KCNH7: variants seen among roughly 807,000 people sequenced by gnomAD.
The protein encoded by KCNH7 is potassium voltage-gated channel subfamily H member 7, also known as voltage-gated inwardly rectifying potassium channel KCNH7.
Under a neutral mutation model 120.8 loss-of-function variants are expected in KCNH7, and 49 were observed. The observed-to-expected ratio is 0.41, with a 90% CI of 0.32 to 0.51. The LOEUF (loss-of-function observed/expected upper bound fraction) is 0.51, where lower values mean the gene tolerates loss of function less well. Among genes scored for constraint, KCNH7 ranks in the 20% least tolerant of loss-of-function variants. KCNH7 has a pLI of 0.38. For missense variants in KCNH7, 1,097 were observed against 1,446.6 expected (o/e 0.76, Z 3.92); for synonymous variants, 547 against 516.1 (o/e 1.06, Z -0.81).
At chr2:162,414,659 AATTATATTAGCAT>A (rs1687489295) in intron 9 of KCNH7, among the ~76,000 whole-genome samples, 2 of 152,026 alleles carry the variant, frequency 1.3e-5, no homozygotes, top group African/African-American at 2.4e-5. Flanking sequence ...ATATAAGTAT[AATTATATTAGCAT>A]ATTAAAAGTT....
chr2:162,423,424 A>G lies in KCNH7; in HGVS notation c.2066T>C (p.Phe689Ser), dbSNP rs1320692302. 6.2e-7 allele frequency: 1 copy of G among 1,614,138 alleles called. No homozygotes were observed. The highest frequency in any genetic ancestry group is 8.5e-7 in the Non-Finnish European group (1 of 1,179,976). Residue 689 changes from phenylalanine (F) to serine (S), a missense_variant, in exon 9 of 16, where the codon TTT becomes TCT. This residue lies in a region of KCNH7 where 24 missense variants were observed against 105.8 expected (regional missense o/e 0.23). Coordinates refer to ENST00000332142, the MANE Select transcript of KCNH7 (RefSeq NM_033272.4). Reference sequence around the variant, plus strand: ...CCTCAGAGGGTTGGGGATTTGGTGAAAGCGAATGAACTCTTTTACTCGCAG... The same window carrying G: ...CCTCAGAGGGTTGGGGATTTGGTGAGAGCGAATGAACTCTTTTACTCGCAG... ...QMLRVKEFIR[F>S]HQIPNPLRQR...
intron 3 of KCNH7, among the ~76,000 whole-genome samples, chr2:162,535,778 T>G (rs980619101): frequency 2.6e-5 from 4 of 151,800 alleles, no homozygotes; most frequent in Non-Finnish European, 5.9e-5. Context: ...GGTATATTAG[T>G]TATTTATTGT....
At chr2:162,542,313 A>C (rs1692336146) in intron 2 of KCNH7, among the ~76,000 whole-genome samples, 1 of 150,654 alleles carries the variant, frequency 6.6e-6, no homozygotes, top group African/African-American at 2.4e-5. Context: ...GGTTAGTTAC[A>C]TATGTATTCA....
chr2:162,551,843 G>T (rs1692679103), intron 2 of KCNH7, among the ~76,000 whole-genome samples: 1 of 152,150 alleles, frequency 6.6e-6, no homozygotes, highest in Non-Finnish European at 1.5e-5. Context: ...AGAGAGAAAA[G>T]ATTATAATAG....
intron 6 of KCNH7, among the ~76,000 whole-genome samples, chr2:162,501,412 G>T (rs576044529): frequency 3.6e-4 from 55 of 152,168 alleles, no homozygotes; most frequent in South Asian, 1.0e-3. Flanking sequence ...GTGGGAGGGG[G>T]ATACTCCACA....
At chr2:162,699,249 T>C (rs1336825334) in intron 2 of KCNH7, among the ~76,000 whole-genome samples, 2 of 152,164 alleles carry the variant, frequency 1.3e-5, no homozygotes, top group Non-Finnish European at 2.9e-5. Flanking sequence ...CAATCCCTGG[T>C]AACCACCACA....
At chr2:162,405,134 C>A (rs1242406781) in intron 9 of KCNH7, among the ~76,000 whole-genome samples, 1 of 151,952 alleles carries the variant, frequency 6.6e-6, no homozygotes, top group African/African-American at 2.4e-5. Context: ...AAGGCTGCTA[C>A]AGATCCTTTA....
At chr2:162,795,801 A>G (rs1684125233) in intron 2 of KCNH7, 1 of 152,078 alleles carries the variant, frequency 6.6e-6, no homozygotes, top group South Asian at 2.1e-4. Flanking sequence ...GACTGGTTCT[A>G]TTTTTACATT....
intron 2 of KCNH7, among the ~76,000 whole-genome samples, chr2:162,694,381 C>T (rs1686216081): frequency 6.6e-6 from 1 of 152,066 alleles, no homozygotes; most frequent in African/African-American, 2.4e-5. Flanking sequence ...TTAAATAGTT[C>T]TATTTTACTC....
intron 2 of KCNH7, among the ~76,000 whole-genome samples, chr2:162,684,782 C>T (rs538230689): frequency 6.6e-6 from 1 of 152,076 alleles, no homozygotes; most frequent in Non-Finnish European, 1.5e-5. Context: ...TTGTGGAAGA[C>T]AGTGGGGTGA....
chr2:162,836,398 T>C (rs1685665495), intron 2 of KCNH7, 139 bp downstream of exon 2: 3 of 658,196 alleles, frequency 4.6e-6, no homozygotes, highest in East Asian at 2.7e-5. Context: ...TACCCATATA[T>C]GTTGGATCCC....
At chr2:162,680,463 G>A (rs16847104) in intron 2 of KCNH7, among the ~76,000 whole-genome samples, 1,639 of 151,672 alleles carry the variant, frequency 0.011, 25 homozygotes, top group African/African-American at 0.037. Context: ...TGTTTTTCCC[G>A]TAGCAATAGC....
intron 4 of KCNH7, among the ~76,000 whole-genome samples, chr2:162,513,499 TTCCTTCTTTCC>T (rs1461459340): frequency 3.5e-5 from 5 of 142,934 alleles, no homozygotes; most frequent in African/African-American, 1.0e-4. Context: ...CCTTCCTTCC[TTCCTTCTTTCC>T]TTCCTTCCTT....
At chr2:162,820,358 G>A (rs187472485) in intron 2 of KCNH7, among the ~76,000 whole-genome samples, 1 of 151,812 alleles carries the variant, frequency 6.6e-6, no homozygotes, top group Non-Finnish European at 1.5e-5. Flanking sequence ...TTACAGGCGT[G>A]AGCCACCACG....
intron 2 of KCNH7, among the ~76,000 whole-genome samples, chr2:162,714,859 T>G (rs945183215): frequency 2.6e-5 from 4 of 152,218 alleles, no homozygotes; most frequent in African/African-American, 9.6e-5. Context: ...TGTAAACCTA[T>G]TCTTACGGGC....
At chr2:162,830,711 T>C (rs1232527172) in intron 2 of KCNH7, among the ~76,000 whole-genome samples, 4 of 152,162 alleles carry the variant, frequency 2.6e-5, no homozygotes, top group Non-Finnish European at 5.9e-5. Context: ...GGCTCCACTC[T>C]CCTGAATGGG....
At chr2:162,831,236 T>C (rs934131597) in intron 2 of KCNH7, among the ~76,000 whole-genome samples, 12 of 152,154 alleles carry the variant, frequency 7.9e-5, no homozygotes, top group African/African-American at 2.9e-4. Flanking sequence ...CTATTTAATA[T>C]ATAAAATTTA....
chr2:162,831,395 C>T (rs1685472478), intron 2 of KCNH7, among the ~76,000 whole-genome samples: 1 of 152,108 alleles, frequency 6.6e-6, no homozygotes, highest in Admixed American at 6.6e-5. Flanking sequence ...AATCAGACCA[C>T]TTCGAATATC....
At chr2:162,559,838 G>T (rs1008932351) in intron 2 of KCNH7, among the ~76,000 whole-genome samples, 5 of 152,166 alleles carry the variant, frequency 3.3e-5, no homozygotes, top group Non-Finnish European at 5.9e-5. Context: ...TGTGCCTGAA[G>T]TATGTTTGTC....
Sources: allele counts gnomAD v4.1 joint callset (sites outside exome capture counted in the v4.1 genomes callset), GRCh38; gene constraint gnomAD v4.1.1; regional missense constraint gnomAD v4.1.1; transcripts MANE v1.5; gene names NCBI Gene and HGNC (gene_info 2026-07-23, HGNC 2026-07-21).